NRXN3: variants seen among roughly 807,000 people sequenced by gnomAD.
NRXN3 encodes neurexin 3.
Under a neutral mutation model 137.6 loss-of-function variants are expected in NRXN3, and 32 were observed. The observed-to-expected ratio is 0.23, with a 90% CI of 0.18 to 0.31. NRXN3 has a LOEUF of 0.31. Among genes scored for constraint, NRXN3 ranks in the 10% least tolerant of loss-of-function variants. The pLI, the probability that NRXN3 is intolerant of heterozygous loss-of-function variation, is 1.00. For missense variants in NRXN3, 1,574 were observed against 2,062.5 expected, an observed-to-expected ratio of 0.76 and a Z score of 4.59; for synonymous variants, 798 against 784.5, an observed-to-expected ratio of 1.02 and a Z score of -0.29.
At chr14:79,442,863 G>A (rs2095989730) in intron 15 of NRXN3, among the ~76,000 whole-genome samples, 1 of 152,152 alleles carries the variant, frequency 6.6e-6, no homozygotes, top group African/African-American at 2.4e-5. Flanking sequence ...CAACTGTTCC[G>A]TGTGATCAGT....
intron 15 of NRXN3, among the ~76,000 whole-genome samples, chr14:79,434,887 G>A (rs371474512): frequency 1.4e-4 from 21 of 152,096 alleles, no homozygotes; most frequent in African/African-American, 3.9e-4. Flanking sequence ...TGTACCTCCC[G>A]TGCCCATCCA....
intron 15 of NRXN3, among the ~76,000 whole-genome samples, chr14:79,424,303 A>T (rs773792862): frequency 2.6e-5 from 4 of 152,206 alleles, no homozygotes; most frequent in Non-Finnish European, 5.9e-5. Flanking sequence ...TAATTCTACA[A>T]AGAGCTAAAA....
At chr14:79,273,701 T>C (rs1258902232) in intron 15 of NRXN3, among the ~76,000 whole-genome samples, 1 of 152,114 alleles carries the variant, frequency 6.6e-6, no homozygotes, top group Non-Finnish European at 1.5e-5. Flanking sequence ...GGGTACTATT[T>C]CTAGACAATT....
chr14:79,115,539 G>T (rs771292430), intron 15 of NRXN3, among the ~76,000 whole-genome samples: 2 of 152,090 alleles, frequency 1.3e-5, no homozygotes, highest in Non-Finnish European at 2.9e-5. Flanking sequence ...AATTTGAGGA[G>T]GTGACAGATA....
At chr14:79,513,458 G>A (rs994801535) in intron 16 of NRXN3, among the ~76,000 whole-genome samples, 3 of 152,194 alleles carry the variant, frequency 2.0e-5, no homozygotes, top group African/African-American at 7.2e-5. Context: ...GGTACAGTGA[G>A]GGAATAATCT....
intron 15 of NRXN3, 76 bp downstream of exon 15, chr14:78,988,217 TA>T (rs1433151186): frequency 6.5e-7 from 1 of 1,545,340 alleles, no homozygotes; most frequent in Non-Finnish European, 8.9e-7. Flanking sequence ...GGACAATATG[TA>T]AAAGGATGGC....
At chr14:79,782,961 A>C (rs1016277011) in intron 19 of NRXN3, among the ~76,000 whole-genome samples, 1 of 152,114 alleles carries the variant, frequency 6.6e-6, no homozygotes, top group African/African-American at 2.4e-5. Flanking sequence ...TTAAATCTCT[A>C]TGTGGCATTC....
chr14:79,428,067 A>G (rs189448966), intron 15 of NRXN3, among the ~76,000 whole-genome samples: 34 of 152,190 alleles, frequency 2.2e-4, no homozygotes, highest in African/African-American at 5.5e-4. Context: ...CAATTTAATA[A>G]GTCTTATGAT....
chr14:78,383,177 A>G (rs2089425341), intron 4 of NRXN3, among the ~76,000 whole-genome samples: 1 of 152,138 alleles, frequency 6.6e-6, no homozygotes, highest in African/African-American at 2.4e-5. Flanking sequence ...GAGGGTAGAC[A>G]TCTGTGCTTG....
At chr14:78,764,061 A>C (rs912698961) in intron 8 of NRXN3, among the ~76,000 whole-genome samples, 3 of 152,150 alleles carry the variant, frequency 2.0e-5, no homozygotes, top group Non-Finnish European at 4.4e-5. Context: ...ACTACAGAGC[A>C]CTCAGTAACT....
At chr14:79,082,835 C>G (rs1402044149) in intron 15 of NRXN3, among the ~76,000 whole-genome samples, 1 of 152,148 alleles carries the variant, frequency 6.6e-6, no homozygotes, top group Admixed American at 6.5e-5. Flanking sequence ...TTCAGGAATT[C>G]AAACTCAGAT....
intron 4 of NRXN3, among the ~76,000 whole-genome samples, chr14:78,598,383 A>G (rs1308627098): frequency 6.6e-6 from 1 of 151,272 alleles, no homozygotes; most frequent in Non-Finnish European, 1.5e-5. Flanking sequence ...AGAGAGAGAG[A>G]GGGAGGGAGG....
At chr14:78,275,159 C>A (rs1314913586) in intron 2 of NRXN3, among the ~76,000 whole-genome samples, 1 of 152,216 alleles carries the variant, frequency 6.6e-6, no homozygotes, top group East Asian at 1.9e-4. Context: ...AATGGGGATA[C>A]TCTGCTGGCA....
chr14:79,406,922 T>C (rs1478903784), intron 15 of NRXN3, among the ~76,000 whole-genome samples: 1 of 152,178 alleles, frequency 6.6e-6, no homozygotes, highest in Non-Finnish European at 1.5e-5. Context: ...ACTTTTGCTG[T>C]AGATTAATAA....
At position 79,356,333 on chromosome 14, in the gene NRXN3, C is replaced by T. The variant is rs184230288; in HGVS notation, c.3263-110888C>T. On this transcript the variant is annotated intron_variant, in intron 15 of 20. Transcript: ENST00000335750. Reference sequence around the variant, plus strand: ...GGCATAGCTCCTCATTATGGGAACTCCAAGAGCCTGATTGTGACTGTTTTT... The same window carrying T: ...GGCATAGCTCCTCATTATGGGAACTTCAAGAGCCTGATTGTGACTGTTTTT... Among the ~76,000 whole-genome samples, 182 of 152,138 alleles carry T rather than the reference C, an allele frequency of 1.2e-3. 1 individual carries two copies. The highest frequency in any genetic ancestry group is 4.2e-3 in the African/African-American group (174 of 41,524).
intron 4 of NRXN3, among the ~76,000 whole-genome samples, chr14:78,622,730 C>T (rs1601511329): frequency 6.6e-6 from 1 of 152,236 alleles, no homozygotes; most frequent in African/African-American, 2.4e-5. Flanking sequence ...AGTGATTTTC[C>T]TGACACAAAA....
chr14:79,499,480 A>G (rs1360309937), intron 16 of NRXN3, among the ~76,000 whole-genome samples: 1 of 152,166 alleles, frequency 6.6e-6, no homozygotes, highest in Non-Finnish European at 1.5e-5. Context: ...ACATCTCTTC[A>G]TTCTGTCCAG....
chr14:78,940,519 T>A (rs1947593356), intron 10 of NRXN3, among the ~76,000 whole-genome samples: 1 of 152,164 alleles, frequency 6.6e-6, no homozygotes, highest in Non-Finnish European at 1.5e-5. Flanking sequence ...AAAATATATT[T>A]CTCCTTTTAT....
chr14:79,731,495 TACTC>T (rs2098922487), intron 19 of NRXN3, among the ~76,000 whole-genome samples: 1 of 152,246 alleles, frequency 6.6e-6, no homozygotes, highest in African/African-American at 2.4e-5. Context: ...GATATGTTCT[TACTC>T]GTTCTTTAAA....
Sources: gnomAD v4.1 joint callset for allele counts (sites outside exome capture counted in the v4.1 genomes callset) on GRCh38, gnomAD v4.1.1 for gene constraint, MANE v1.5 for transcripts, NCBI Gene and HGNC (gene_info 2026-07-23, HGNC 2026-07-21) for gene names.